Variants in IQSEC1 observed in about 807,000 individuals in gnomAD.
The protein encoded by IQSEC1 is IQ motif and SEC7 domain-containing protein 1.
IQSEC1 carries 31 observed loss-of-function variants against 91.0 expected under a neutral mutation model. That is an observed-to-expected ratio of 0.34 (90% confidence interval 0.26 to 0.46). The LOEUF (loss-of-function observed/expected upper bound fraction) is 0.46. Among genes scored for constraint, IQSEC1 ranks in the 20% least tolerant of loss-of-function variants. The pLI is 1.00. For synonymous variants in IQSEC1, 699 were observed against 662.6 expected (o/e 1.05, Z -0.84); for missense variants, 1,388 against 1,575.6 (o/e 0.88, Z 2.02).
intron 2 of IQSEC1, among the ~76,000 whole-genome samples, chr3:13,146,758 T>C (rs1706905095): frequency 6.6e-6 from 1 of 152,150 alleles, no homozygotes; most frequent in Non-Finnish European, 1.5e-5. Context: ...GAGAATCACT[T>C]GAACACAGGA....
At chr3:13,155,158 A>G (rs1252268576) in intron 2 of IQSEC1, among the ~76,000 whole-genome samples, 1 of 152,238 alleles carries the variant, frequency 6.6e-6, no homozygotes, top group African/African-American at 2.4e-5. Context: ...GATAATATCA[A>G]TAAATAATAA....
intron 1 of IQSEC1, among the ~76,000 whole-genome samples, chr3:13,254,067 G>A (rs12486215): frequency 0.034 from 5,229 of 152,340 alleles, 120 homozygotes; most frequent in South Asian, 0.093. Flanking sequence ...GAGGACAGAG[G>A]GCACTTCGGG....
At chr3:13,056,097 G>A (rs1704870128) in intron 1 of IQSEC1, among the ~76,000 whole-genome samples, 1 of 152,214 alleles carries the variant, frequency 6.6e-6, no homozygotes, top group South Asian at 2.1e-4. Flanking sequence ...GGCTTGCCTG[G>A]GTGGGATCAA....
intron 1 of IQSEC1, among the ~76,000 whole-genome samples, chr3:13,003,331 A>C (rs898236570): frequency 6.6e-6 from 1 of 151,902 alleles, no homozygotes; most frequent in Non-Finnish European, 1.5e-5. Context: ...CTATTCTATA[A>C]CATGGATGAA....
chr3:12,935,419 C>T lies in IQSEC1; in HGVS notation c.1568+29G>A. 1 of 1,586,046 alleles carries T rather than the reference C, an allele frequency of 6.3e-7. No individual in the cohort carries two copies. ...CAAGGCCCAGCAAGCCACAGCTGCC[C>T]ACCCTGAGGGGTCACCCATGGTACT... On this transcript the variant is annotated intron_variant, in intron 3 of 13. Coordinates refer to ENST00000613206, the MANE Select transcript of IQSEC1 (RefSeq NM_001134382.3). This position sits in a 1 kb window ranked among gnomAD's most constrained non-coding sequence, Gnocchi z 8.0.
At chr3:13,266,040 T>C (rs1271214286) in intron 1 of IQSEC1, among the ~76,000 whole-genome samples, 1 of 150,518 alleles carries the variant, frequency 6.6e-6, no homozygotes, top group African/African-American at 2.5e-5. Flanking sequence ...TCCCCACACC[T>C]GAAATGATCA....
At chr3:13,237,188 T>C (rs1318903828) in intron 1 of IQSEC1, among the ~76,000 whole-genome samples, 1 of 152,232 alleles carries the variant, frequency 6.6e-6, no homozygotes. Context: ...TTTACAAATG[T>C]AAAGGGTCTG....
intron 2 of IQSEC1, among the ~76,000 whole-genome samples, chr3:13,136,678 C>T (rs1033044355): frequency 7.9e-5 from 12 of 152,202 alleles, no homozygotes; most frequent in Admixed American, 2.6e-4. Context: ...CGCCACCTCC[C>T]GAGGCAGCAG....
chr3:13,153,356 G>A (rs1232605370), intron 2 of IQSEC1, among the ~76,000 whole-genome samples: 1 of 152,218 alleles, frequency 6.6e-6, no homozygotes. Flanking sequence ...GGTGAGGGGT[G>A]TAAGAGACAG....
rs552097150 is a variant in IQSEC1, at chr3:13,251,212, T to C, written c.272+31499A>G. On this transcript the variant is annotated intron_variant, in intron 1 of 15. Transcript: ENST00000648114. ...TCACTTGCCCACTTCCTTTAGGCCA[T>C]TGCTTCCATTCCATCTAACATGCCA... Among the ~76,000 whole-genome samples, 15 of 152,320 alleles carry C rather than the reference T, an allele frequency of 9.8e-5. No individual in the cohort carries two copies. In the East Asian group the frequency reaches 2.9e-3, roughly 29 times the overall value.
chr3:12,987,031 C>T (rs1168374274), intron 1 of IQSEC1: 9 of 442,356 alleles, frequency 2.0e-5, no homozygotes, highest in Non-Finnish European at 4.1e-5. Context: ...TGGCTGGCTT[C>T]TCAGGCCTCC....
chr3:12,996,233 G>T (rs1483441026), intron 1 of IQSEC1, among the ~76,000 whole-genome samples: 1 of 152,124 alleles, frequency 6.6e-6, no homozygotes, highest in African/African-American at 2.4e-5. Flanking sequence ...ATTTAAAAAT[G>T]CAGTCCCTGA....
intron 1 of IQSEC1, among the ~76,000 whole-genome samples, chr3:13,071,942 C>T (rs943035777): frequency 6.6e-6 from 1 of 152,254 alleles, no homozygotes; most frequent in Non-Finnish European, 1.5e-5. Flanking sequence ...GGTGTGTTTA[C>T]TTTCCCTCAG....
intron 2 of IQSEC1, among the ~76,000 whole-genome samples, chr3:13,111,010 A>G (rs553090879): frequency 1.3e-5 from 2 of 152,206 alleles, no homozygotes; most frequent in Non-Finnish European, 2.9e-5. Flanking sequence ...AGAGTTCAGA[A>G]AGTGGGTGAG....
chr3:13,076,578 T>C (rs1250108863), upstream of IQSEC1, among the ~76,000 whole-genome samples: 1 of 152,140 alleles, frequency 6.6e-6, no homozygotes, highest in Non-Finnish European at 1.5e-5. Context: ...CACAGAGCTC[T>C]TCAAGGCAGG....
Position 13,118,387 on chromosome 3 carries a change from T to C in IQSEC1, c.302+45717A>G, listed in dbSNP as rs1363354507. ...ATGTTCATAACAGCATTATTTACAG[T>C]TGCCAAATGGTGAAAACAGCCAAAG... On this transcript the variant is annotated intron_variant, in intron 2 of 15. Transcript: ENST00000648114. 2.0e-5 allele frequency among the ~76,000 whole-genome samples: 3 copies of C among 152,208 alleles called. No individual in the cohort carries two copies. The East Asian group carries it at 5.8e-4, about 29-fold the overall frequency.
chr3:13,111,837 T>A (rs573664584), intron 2 of IQSEC1, among the ~76,000 whole-genome samples: 1 of 152,336 alleles, frequency 6.6e-6, no homozygotes, highest in African/African-American at 2.4e-5. Flanking sequence ...ACCTTGATCT[T>A]GGACTTTCAG....
chr3:13,086,074 GT>G, intron 2 of IQSEC1, among the ~76,000 whole-genome samples: 1 of 152,316 alleles, frequency 6.6e-6, no homozygotes, highest in Non-Finnish European at 1.5e-5. Context: ...TAGAGAGACT[GT>G]TTTGGGGCAG....
intron 2 of IQSEC1, among the ~76,000 whole-genome samples, chr3:13,144,677 C>G (rs1035187565): frequency 6.6e-6 from 1 of 152,230 alleles, no homozygotes; most frequent in African/African-American, 2.4e-5. Flanking sequence ...ACTCATCTCC[C>G]ACACTCCCTC....
Sources: gnomAD v4.1 joint callset for allele counts (sites outside exome capture counted in the v4.1 genomes callset) on GRCh38, gnomAD v4.1.1 for gene constraint, Gnocchi (gnomAD v3.1) non-coding constraint, MANE v1.5 for transcripts, NCBI Gene and HGNC (gene_info 2026-07-23, HGNC 2026-07-21) for gene names.